The following PMS2 variants were observed in gnomAD, a reference collection of about 807,000 sequenced individuals.
PMS2 encodes PMS1 homolog 2, mismatch repair system component.
In PMS2, 69 loss-of-function variants were observed where a neutral mutation model predicts 90.0. The ratio of observed to expected loss-of-function variants is 0.77; its 90% confidence interval spans 0.63 to 0.94. The LOEUF (loss-of-function observed/expected upper bound fraction) is 0.94, where lower values mean the gene tolerates loss of function less well. Among genes scored for constraint, PMS2 ranks in the 40% least tolerant of loss-of-function variants. The pLI, the probability that PMS2 is intolerant of heterozygous loss-of-function variation, is 0.00. For synonymous variants in PMS2, 332 were observed against 375.1 expected (o/e 0.89, Z 1.33); for missense variants, 966 against 1,040.2 (o/e 0.93, Z 0.98).
chr7:5,983,121 CT>C (rs1238677065), intron 11 of PMS2, 130 bp from the exon 12 acceptor site: 1,037 of 1,344,746 alleles, frequency 7.7e-4, no homozygotes, highest in Middle Eastern at 1.6e-3. Flanking sequence ...ATCCCGCTTT[CT>C]TTTTTTTTGA....
chr7:6,001,543 G>T (rs1441065808), intron 5 of PMS2, among the ~76,000 whole-genome samples: 5 of 151,814 alleles, frequency 3.3e-5, no homozygotes, highest in African/African-American at 9.7e-5. Context: ...GCTAATTTTT[G>T]TATTTTTAGT....
chr7:5,997,482 T>A, intron 6 of PMS2, 59 bp from the exon 7 acceptor site: 3 of 945,884 alleles, frequency 3.2e-6, no homozygotes, highest in South Asian at 1.4e-5. Flanking sequence ...GTGGACTTAA[T>A]CTGTTTTCTT....
Position 6,006,001 on chromosome 7 carries a change from A to C in PMS2, c.54T>G (p.Ile18Met). ...AAATCTGATGGACTGACTTCCGATC[A>C]ATAGGTTTGATGGCCTTAGCAGGTT... Reference protein sequence around the residue: ...STEPAKAIKPIDRKSVHQICS... With the variant: ...STEPAKAIKPMDRKSVHQICS... Residue 18 changes from isoleucine (I) to methionine (M), a missense_variant, in exon 2 of 15, where the codon ATT (isoleucine) becomes ATG (methionine). Coordinates refer to ENST00000265849, the MANE Select transcript of PMS2 (RefSeq NM_000535.7). 1.2e-6 allele frequency: 2 copies of C among 1,610,778 alleles called. No individual in the cohort carries two copies. Among genetic ancestry groups the C allele is most frequent in the African/African-American group, 1.3e-5 (1 of 74,990 alleles).
chr7:6,003,582 T>G (rs1785346802), intron 4 of PMS2, 108 bp downstream of exon 4: 1 of 701,334 alleles, frequency 1.4e-6, no homozygotes, highest in South Asian at 1.5e-5. Context: ...ATTCAGAAGC[T>G]AGAAGTTGAG....
intron 2 of PMS2, among the ~76,000 whole-genome samples, chr7:6,005,451 G>A (rs975313923): frequency 2.0e-5 from 3 of 151,912 alleles, no homozygotes; most frequent in South Asian, 2.1e-4. Context: ...GTATCCACCC[G>A]CCTTGGCCTC....
At chr7:5,991,276 G>A (rs1783697003) in intron 9 of PMS2, among the ~76,000 whole-genome samples, 1 of 151,554 alleles carries the variant, frequency 6.6e-6, no homozygotes, top group African/African-American at 2.4e-5. Context: ...ATGGGAGTAG[G>A]GGAGAGAGAG....
intron 1 of PMS2, among the ~76,000 whole-genome samples, chr7:6,007,105 TA>T (rs1338032003): frequency 4.7e-5 from 7 of 150,530 alleles, no homozygotes; most frequent in African/African-American, 1.2e-4. Context: ...TTATTATTAT[TA>T]TTATTATTGT....
At chr7:5,981,995 T>C (rs79192116) in intron 12 of PMS2, among the ~76,000 whole-genome samples, 7,590 of 151,828 alleles carry the variant, frequency 0.05, 339 homozygotes, top group East Asian at 0.32. Context: ...TATATACATA[T>C]AGACACACAT....
chr7:5,987,784 G>A (rs1373957189), intron 10 of PMS2, among the ~76,000 whole-genome samples, 164 bp from the exon 11 acceptor site: 3 of 152,158 alleles, frequency 2.0e-5, no homozygotes, highest in Non-Finnish European at 4.4e-5. Context: ...GCCAGGTGTG[G>A]TGGCTTACGC....
chr7:5,994,543 G>C (rs1271029979), intron 8 of PMS2, among the ~76,000 whole-genome samples: 2 of 152,058 alleles, frequency 1.3e-5, no homozygotes, highest in African/African-American at 4.8e-5. Flanking sequence ...GGAGGCCGAG[G>C]TGGGCGGATC....
At position 5,987,112 on chromosome 7, in the gene PMS2, G is replaced by T. The variant is rs876659162; in HGVS notation, c.1653C>A (p.Cys551Ter). 2.5e-6 allele frequency: 4 copies of T among 1,614,020 alleles called. No individual in the cohort carries two copies. The highest frequency in any genetic ancestry group is 3.4e-6 in the Non-Finnish European group (4 of 1,179,948). Residue 551 changes from cysteine to a stop codon, truncating the protein, a stop_gained, in exon 11 of 15, where the codon TGC (cysteine) becomes TGA (stop). Transcript: ENST00000265849. LOFTEE classifies it high-confidence loss of function. Reference protein sequence around the residue: ...KTDDSFSDVDCHSNQEDTGCK... With the variant: ...KTDDSFSDVD Reference sequence around the variant, plus strand: ...ATCCGGTATCTTCCTGGTTTGAATGGCAGTCCACATCTGAAAAAGAGTCGT... The same window carrying T: ...ATCCGGTATCTTCCTGGTTTGAATGTCAGTCCACATCTGAAAAAGAGTCGT...
At chr7:5,998,964 T>C (rs1212702579) in intron 6 of PMS2, 144 bp downstream of exon 6, 2 of 756,440 alleles carry the variant, frequency 2.6e-6, no homozygotes, top group South Asian at 3.2e-5. Flanking sequence ...CACTCCAGCC[T>C]GGGCAGCAGT....
At chr7:5,999,329 T>TA in intron 5 of PMS2, 54 bp from the exon 6 acceptor site, 1 of 1,490,572 alleles carries the variant, frequency 6.7e-7, no homozygotes, top group Non-Finnish European at 9.4e-7. Context: ...TTATAGGAAT[T>TA]ACACAGCTCA....
Position 5,995,558 on chromosome 7 carries a change from G to GT in PMS2, c.878dup (p.Asn293LysfsTer6), listed in dbSNP as rs1344095646. 1 of 1,613,642 alleles carries GT rather than the reference G, an allele frequency of 6.2e-7. No individual in the cohort carries two copies. The highest frequency in any genetic ancestry group is 1.3e-5 in the African/African-American group (1 of 74,910). ...CCTTTGCTGGGTCACAAGGCCGCCG[G>GT]TTGATAAAGAAAAACTGTCTGTCTG... On this transcript the variant is annotated frameshift_variant, in exon 8 of 15. Transcript: ENST00000265849. LOFTEE classifies it high-confidence loss of function.
At chr7:5,993,754 G>C (rs1251249630) in intron 8 of PMS2, among the ~76,000 whole-genome samples, 2 of 148,712 alleles carry the variant, frequency 1.3e-5, no homozygotes, top group South Asian at 2.2e-4. Flanking sequence ...CTAGCTACTA[G>C]AGAGGCTGGG....
intron 11 of PMS2, among the ~76,000 whole-genome samples, chr7:5,983,942 G>A (rs10257023): frequency 0.12 from 18,715 of 151,704 alleles, 2,028 homozygotes; most frequent in African/African-American, 0.26. Flanking sequence ...GTGAGCCACC[G>A]CACCTGGCCT....
chr7:6,007,699 T>A (rs191303908), intron 1 of PMS2, among the ~76,000 whole-genome samples: 2 of 152,272 alleles, frequency 1.3e-5, no homozygotes, highest in African/African-American at 4.8e-5. Flanking sequence ...CCTTCTGAAA[T>A]AAACAAACCT....
At chr7:6,008,540 A>G (rs925127931) in intron 1 of PMS2, among the ~76,000 whole-genome samples, 1 of 152,140 alleles carries the variant, frequency 6.6e-6, no homozygotes, top group South Asian at 2.1e-4. Flanking sequence ...GCTTGAGCTC[A>G]GGCGTTCGAG....
chr7:5,984,809 A>G (rs532767040), intron 11 of PMS2, among the ~76,000 whole-genome samples: 16 of 151,530 alleles, frequency 1.1e-4, no homozygotes, highest in Non-Finnish European at 1.5e-4. Context: ...AGGAGCTGAT[A>G]TTGTTGTTTC....
Sources: gnomAD v4.1 joint callset for allele counts (sites outside exome capture counted in the v4.1 genomes callset) on GRCh38, gnomAD v4.1.1 for gene constraint, MANE v1.5 for transcripts, NCBI Gene and HGNC (gene_info 2026-07-23, HGNC 2026-07-21) for gene names.